CYP19A1: variants seen among roughly 807,000 people sequenced by gnomAD.
The protein encoded by CYP19A1 is cytochrome P450 family 19 subfamily A member 1, also known as aromatase.
In CYP19A1, 32 loss-of-function variants were observed where a neutral mutation model predicts 44.4. The ratio of observed to expected loss-of-function variants is 0.72; its 90% CI spans 0.54 to 0.97. CYP19A1 has a LOEUF of 0.97. CYP19A1 is among the 50% of genes least tolerant of loss of function. The pLI is 0.00. For synonymous variants in CYP19A1, 212 were observed against 215.6 expected, an observed-to-expected ratio of 0.98 and a Z score of 0.14; for missense variants, 598 against 637.8, an observed-to-expected ratio of 0.94 and a Z score of 0.67.
At chr15:51,277,477 G>A (rs1019283253) in intron 1 of CYP19A1, 2 of 152,066 alleles carry the variant, frequency 1.3e-5, no homozygotes, top group Non-Finnish European at 2.9e-5. Flanking sequence ...GAAAGCAAAT[G>A]AAAAAACCAG....
At chr15:51,256,565 G>C (rs1285440488) in intron 1 of CYP19A1, among the ~76,000 whole-genome samples, 1 of 152,166 alleles carries the variant, frequency 6.6e-6, no homozygotes, top group African/African-American at 2.4e-5. Flanking sequence ...CCAATAAAAT[G>C]CTGTTAAAAT....
At position 51,298,027 on chromosome 15, in the gene CYP19A1, G is replaced by A. The variant is rs79507484; in HGVS notation, c.-39+40468C>T. ...ACGTTGGAGCTGGGTGTTGAAGCAG[G>A]AGTTAGATGTGGGGAGAGGACCTTC... On this transcript the variant is annotated intron_variant, in intron 1 of 9. Transcript: ENST00000396402. Among the ~76,000 whole-genome samples the A allele has an allele frequency of 3.3e-3, 496 of 152,220 alleles. 4 individuals carry two copies. The highest frequency in any genetic ancestry group is 0.011 in the African/African-American group (469 of 41,518).
At chr15:51,242,641 A>G (rs538374823) in intron 2 of CYP19A1, 127 bp downstream of exon 2, 1 of 695,096 alleles carries the variant, frequency 1.4e-6, no homozygotes, top group East Asian at 2.7e-5. Context: ...ATTTGCTAAC[A>G]CAGACATAGT....
intron 1 of CYP19A1, among the ~76,000 whole-genome samples, chr15:51,252,528 T>G (rs557852517): frequency 6.6e-6 from 1 of 152,308 alleles, no homozygotes; most frequent in Non-Finnish European, 1.5e-5. Flanking sequence ...GGTGTTACAT[T>G]TTTCGGTCCA....
intron 1 of CYP19A1, among the ~76,000 whole-genome samples, chr15:51,335,463 A>G (rs148513314): frequency 2.0e-5 from 3 of 152,334 alleles, no homozygotes; most frequent in South Asian, 4.1e-4. Flanking sequence ...GAAAATGCTA[A>G]CAACACACTG....
intron 4 of CYP19A1, among the ~76,000 whole-genome samples, chr15:51,223,593 TCACACACACA>T (rs5812545): frequency 8.9e-5 from 8 of 90,210 alleles, no homozygotes; most frequent in Admixed American, 1.2e-4. Flanking sequence ...TCTCTCTCTC[TCACACACACA>T]CACACACACA....
chr15:51,319,047 T>A (rs944019229), intron 1 of CYP19A1: 1 of 152,172 alleles, frequency 6.6e-6, no homozygotes, highest in Non-Finnish European at 1.5e-5. Context: ...ATTGCGCAAC[T>A]ATGAGGGGAC....
At chr15:51,260,739 T>C (rs984444229) in intron 1 of CYP19A1, among the ~76,000 whole-genome samples, 7 of 152,134 alleles carry the variant, frequency 4.6e-5, no homozygotes, top group African/African-American at 1.7e-4. Flanking sequence ...AAATACAAAT[T>C]GGGCTAAAAG....
chr15:51,265,857 G>A (rs1462795488), intron 1 of CYP19A1, among the ~76,000 whole-genome samples: 1 of 152,118 alleles, frequency 6.6e-6, no homozygotes, highest in Non-Finnish European at 1.5e-5. Flanking sequence ...TTATACTCTG[G>A]TCGTTATCTG....
chr15:51,210,633 C>G lies in CYP19A1; in HGVS notation c.*175G>C, dbSNP rs1230111829. On this transcript the variant is annotated 3_prime_UTR_variant, in exon 10 of 10. Transcript: ENST00000396402. ...TTGTAGCCTGGTTCTCTGGTGTGAA[C>G]AGGAGCAGATGACAAATAGCACCTA... is the stretch of plus-strand genomic sequence containing the variant. The G allele has an allele frequency of 1.4e-6, 1 of 739,094 alleles. No homozygotes were observed. Among genetic ancestry groups the G allele is most frequent in the Non-Finnish European group, 2.5e-6 (1 of 402,006 alleles). The allele number at this position is 739,094 out of a possible 1,614,324, so 45.8% of individuals were successfully genotyped here.
chr15:51,252,621 C>G (rs1365398734), intron 1 of CYP19A1, among the ~76,000 whole-genome samples: 1 of 152,184 alleles, frequency 6.6e-6, no homozygotes, highest in African/African-American at 2.4e-5. Flanking sequence ...CTCAGACTGA[C>G]AGACTCACAC....
intron 3 of CYP19A1, among the ~76,000 whole-genome samples, chr15:51,235,626 T>A (rs1341394267): frequency 6.6e-6 from 1 of 152,210 alleles, no homozygotes; most frequent in Non-Finnish European, 1.5e-5. Flanking sequence ...TATTTAGAAG[T>A]ATTAAAATAA....
At chr15:51,326,438 T>A (rs2036609628) in intron 1 of CYP19A1, among the ~76,000 whole-genome samples, 1 of 152,230 alleles carries the variant, frequency 6.6e-6, no homozygotes, top group Non-Finnish European at 1.5e-5. Context: ...AGTTAAAGAA[T>A]TCTTGCTGTA....
intron 1 of CYP19A1, among the ~76,000 whole-genome samples, chr15:51,249,273 G>A (rs1332287196): frequency 2.6e-5 from 4 of 151,936 alleles, no homozygotes; most frequent in African/African-American, 9.7e-5. Flanking sequence ...TTATTTCTTG[G>A]TTCTCTCCAC....
chr15:51,213,141 T>C (rs1009470050), intron 8 of CYP19A1, among the ~76,000 whole-genome samples: 1 of 152,226 alleles, frequency 6.6e-6, no homozygotes, highest in African/African-American at 2.4e-5. Flanking sequence ...TCTGGTTACC[T>C]GTGCAGTCAT....
intron 1 of CYP19A1, among the ~76,000 whole-genome samples, chr15:51,277,626 C>T (rs549427941): frequency 1.3e-5 from 2 of 152,132 alleles, no homozygotes; most frequent in African/African-American, 2.4e-5. Flanking sequence ...AAAATAAATA[C>T]GCGTATTTCC....
At chr15:51,215,858 T>G (rs757067623) in intron 6 of CYP19A1, 41 bp from the exon 7 acceptor site, 160 of 1,610,594 alleles carry the variant, frequency 9.9e-5, no homozygotes, top group South Asian at 2.9e-4. Context: ...TTACTCAGTT[T>G]AGACATCTAG....
At chr15:51,310,365 A>G (rs1239610958) in intron 1 of CYP19A1, among the ~76,000 whole-genome samples, 1 of 152,230 alleles carries the variant, frequency 6.6e-6, no homozygotes, top group Non-Finnish European at 1.5e-5. Flanking sequence ...CCCAAGGGTG[A>G]GCTGAATCAT....
intron 1 of CYP19A1, among the ~76,000 whole-genome samples, chr15:51,282,243 T>C (rs1595753990): frequency 6.6e-6 from 1 of 152,180 alleles, no homozygotes; most frequent in Non-Finnish European, 1.5e-5. Context: ...CATCTTCTTG[T>C]TGGGAAAAAG....
Sources: allele counts gnomAD v4.1 joint callset (sites outside exome capture counted in the v4.1 genomes callset), GRCh38; gene constraint gnomAD v4.1.1; transcripts MANE v1.5; gene names NCBI Gene and HGNC (gene_info 2026-07-23, HGNC 2026-07-21).